Variants in MBNL2 observed in about 807,000 individuals in gnomAD.
The protein encoded by MBNL2 is muscleblind like splicing regulator 2.
MBNL2 carries 17 observed loss-of-function variants against 41.9 expected under a neutral mutation model. The observed-to-expected ratio is 0.41, with a 90% CI of 0.28 to 0.61. The LOEUF is 0.61. Among genes scored for constraint, MBNL2 ranks in the 20% least tolerant of loss-of-function variants. The probability of loss-of-function intolerance (pLI) is 0.35; values close to 1 mark genes in which losing one functional copy is unlikely to be tolerated. For missense variants in MBNL2, 336 were observed against 505.6 expected (o/e 0.66, Z 3.22); for synonymous variants, 195 against 182.9 (o/e 1.07, Z -0.53).
At chr13:97,379,413 A>T (rs1438931392) in intron 8 of MBNL2, among the ~76,000 whole-genome samples, 1 of 152,202 alleles carries the variant, frequency 6.6e-6, no homozygotes, top group African/African-American at 2.4e-5. Context: ...ATAATAATTT[A>T]AAAATAAAGA....
chr13:97,368,402 A>G (rs973406297), intron 8 of MBNL2, among the ~76,000 whole-genome samples: 7 of 147,938 alleles, frequency 4.7e-5, no homozygotes, highest in Middle Eastern at 3.5e-3. Context: ...TGACAGAGTG[A>G]CACCCTGTCT....
intron 7 of MBNL2, among the ~76,000 whole-genome samples, chr13:97,359,757 A>G (rs1004212651): frequency 6.6e-6 from 1 of 152,190 alleles, no homozygotes; most frequent in African/African-American, 2.4e-5. Context: ...AGTGACTAGA[A>G]GGGTTTCCAT....
At chr13:97,169,315 G>T in the MBNL2 span, among the ~76,000 whole-genome samples, 9 of 152,170 alleles carry the variant, frequency 5.9e-5, no homozygotes, top group African/African-American at 2.2e-4. Context: ...CTTACATTCA[G>T]ATCCTCCAAG....
chr13:97,225,727 A>C (rs901891457), intron 1 of MBNL2, among the ~76,000 whole-genome samples: 2 of 152,244 alleles, frequency 1.3e-5, no homozygotes, highest in Non-Finnish European at 1.5e-5. Flanking sequence ...ATGGCAGAAC[A>C]GGAGAGGACA....
chr13:97,218,430 C>CAAAAAAAAAAAAAAAAAAAAA (rs746110575), upstream of MBNL2, among the ~76,000 whole-genome samples: 3 of 69,046 alleles, frequency 4.3e-5, no homozygotes, highest in Non-Finnish European at 8.0e-5. Flanking sequence ...AAAAACAAAA[C>CAAAAAAAAAAAAAAAAAAAAA]AAAACAAAAC....
At position 97,237,871 on chromosome 13, in the gene MBNL2, G is replaced by A. The variant is rs1007326523; in HGVS notation, c.-605+15340G>A. Among the ~76,000 whole-genome samples, 8 of 152,182 alleles carry A rather than the reference G, an allele frequency of 5.3e-5. No individual in the cohort carries two copies. The East Asian group carries it at 5.8e-4, about 11-fold the overall frequency. ...GAGTTTAGACCTGAGAATTGCAGAC[G>A]CTCAGGCAGGTCATGAAGGCATGGG... On this transcript the variant is annotated intron_variant, in intron 1 of 8. Coordinates refer to ENST00000679496, the MANE Select transcript of MBNL2 (RefSeq NM_001382683.1).
At chr13:97,272,210 C>T (rs1360717889) in intron 1 of MBNL2, among the ~76,000 whole-genome samples, 1 of 152,096 alleles carries the variant, frequency 6.6e-6, no homozygotes, top group Non-Finnish European at 1.5e-5. Context: ...TTGTTGGCTG[C>T]GTAAATGTCT....
At chr13:97,299,268 T>C (rs900883774) in intron 2 of MBNL2, among the ~76,000 whole-genome samples, 1 of 152,294 alleles carries the variant, frequency 6.6e-6, no homozygotes, top group Non-Finnish European at 1.5e-5. Context: ...TTTTCTAACA[T>C]TGACAGTGTT....
intron 8 of MBNL2, among the ~76,000 whole-genome samples, chr13:97,386,387 C>T (rs1381525225): frequency 6.6e-6 from 1 of 152,234 alleles, no homozygotes; most frequent in Admixed American, 6.5e-5. Context: ...GAATTTCCAG[C>T]TTCTTTTGGC....
At chr13:97,274,230 T>C (rs1003590430) in intron 1 of MBNL2, among the ~76,000 whole-genome samples, 1 of 152,194 alleles carries the variant, frequency 6.6e-6, no homozygotes, top group Admixed American at 6.5e-5. Context: ...GGCTCACGCC[T>C]GTAATCCCAG....
chr13:97,166,823 GATAGATAGA>G, the MBNL2 span, among the ~76,000 whole-genome samples: 1 of 151,462 alleles, frequency 6.6e-6, no homozygotes, highest in African/African-American at 2.4e-5. Flanking sequence ...TAGATAGATA[GATAGATAGA>G]TAGATAGAAA....
the MBNL2 span, among the ~76,000 whole-genome samples, chr13:97,184,694 G>GC: frequency 6.6e-6 from 1 of 152,140 alleles, no homozygotes; most frequent in Admixed American, 6.5e-5. Flanking sequence ...TCTTGGCCAG[G>GC]CTGTTCTTGG....
At chr13:97,271,794 G>A (rs1036188753) in intron 1 of MBNL2, among the ~76,000 whole-genome samples, 2 of 152,160 alleles carry the variant, frequency 1.3e-5, no homozygotes, top group Admixed American at 6.6e-5. Flanking sequence ...TGTTGTATAT[G>A]TACCACATTT....
chr13:97,389,955 A>G (rs1566458239), intron 8 of MBNL2, among the ~76,000 whole-genome samples: 2 of 152,126 alleles, frequency 1.3e-5, no homozygotes, highest in Non-Finnish European at 2.9e-5. Context: ...ATTCAAAGAT[A>G]ATAGTATTCA....
chr13:97,152,235 G>A, the MBNL2 span, among the ~76,000 whole-genome samples: 1 of 151,940 alleles, frequency 6.6e-6, no homozygotes, highest in East Asian at 1.9e-4. Flanking sequence ...TTAGAAGATA[G>A]GGTTCAGAAA....
chr13:97,262,759 C>CT lies in MBNL2; in HGVS notation c.-604-12863dup, dbSNP rs796204453. On this transcript the variant is annotated intron_variant, in intron 1 of 8. Coordinates refer to ENST00000679496, the MANE Select transcript of MBNL2 (RefSeq NM_001382683.1). The stretch of plus-strand genomic sequence containing the variant: ...ACCCACATTTTGAAGTCCTCCCTCG[C>CT]TTTTTTTTTTAATAATTTTTTTTGA... Among the ~76,000 whole-genome samples, 623 of 147,536 alleles carry CT rather than the reference C, an allele frequency of 4.2e-3. 7 individuals carry two copies. The highest frequency in any genetic ancestry group is 0.015 in the African/African-American group (594 of 40,174).
chr13:97,210,526 A>G, the MBNL2 span, among the ~76,000 whole-genome samples: 1 of 145,672 alleles, frequency 6.9e-6, no homozygotes, highest in Non-Finnish European at 1.5e-5. Flanking sequence ...TACAAATTTT[A>G]TAACTATACA....
chr13:97,172,566 T>C, the MBNL2 span: 2 of 152,146 alleles, frequency 1.3e-5, no homozygotes, highest in African/African-American at 4.8e-5. Flanking sequence ...GAGCTCACAC[T>C]CTTTAGATAT....
chr13:97,384,843 AG>A, intron 8 of MBNL2, among the ~76,000 whole-genome samples: 1 of 152,204 alleles, frequency 6.6e-6, no homozygotes, highest in East Asian at 1.9e-4. Context: ...TACCAAGTCT[AG>A]AAGGTTACTT....
Sources: gnomAD v4.1 joint callset for allele counts (sites outside exome capture counted in the v4.1 genomes callset) on GRCh38, gnomAD v4.1.1 for gene constraint, MANE v1.5 for transcripts, NCBI Gene and HGNC (gene_info 2026-07-23, HGNC 2026-07-21) for gene names.